CADM1: variants seen among roughly 807,000 people sequenced by gnomAD.
CADM1 encodes the protein cell adhesion molecule 1.
In CADM1, 15 loss-of-function variants were observed where a neutral mutation model predicts 53.1. The ratio of observed to expected loss-of-function variants is 0.28; its 90% CI spans 0.19 to 0.44. The LOEUF (loss-of-function observed/expected upper bound fraction) is 0.44, where lower values mean the gene tolerates loss of function less well. CADM1 is among the 20% of genes least tolerant of loss of function. The probability of loss-of-function intolerance (pLI) is 1.00; values close to 1 mark genes in which losing one functional copy is unlikely to be tolerated. For missense variants in CADM1, 434 were observed against 611.3 expected, an observed-to-expected ratio of 0.71 and a Z score of 3.06; for synonymous variants, 281 against 243.0, an observed-to-expected ratio of 1.16 and a Z score of -1.45.
intron 1 of CADM1, among the ~76,000 whole-genome samples, chr11:115,303,052 T>C (rs1166845638): frequency 6.6e-6 from 1 of 152,110 alleles, no homozygotes; most frequent in Non-Finnish European, 1.5e-5. Context: ...CTGCTGGGTG[T>C]GTGGGCTGGA....
At chr11:115,304,766 T>A (rs1383413034) in intron 1 of CADM1, among the ~76,000 whole-genome samples, 2 of 151,996 alleles carry the variant, frequency 1.3e-5, no homozygotes, top group African/African-American at 2.4e-5. Context: ...AATGTTAAAT[T>A]CACAACTCAA....
chr11:115,371,222 C>T (rs897277150), intron 1 of CADM1, among the ~76,000 whole-genome samples: 2 of 151,764 alleles, frequency 1.3e-5, no homozygotes, highest in African/African-American at 4.8e-5. Context: ...ATTGAATAAA[C>T]AATAATAATG....
chr11:115,402,188 G>C (rs755131063), intron 1 of CADM1, among the ~76,000 whole-genome samples: 1 of 152,084 alleles, frequency 6.6e-6, no homozygotes, highest in Non-Finnish European at 1.5e-5. Context: ...AACAATGTTC[G>C]CAACCTATCA....
At chr11:115,191,975 T>C (rs949257431) in intron 9 of CADM1, among the ~76,000 whole-genome samples, 2 of 152,200 alleles carry the variant, frequency 1.3e-5, no homozygotes, top group East Asian at 1.9e-4. Context: ...TTTGCATCTT[T>C]CCCTTCTGCT....
intron 1 of CADM1, among the ~76,000 whole-genome samples, chr11:115,334,457 CAGTACTCATCAATT>C (rs1565371343): frequency 6.9e-6 from 1 of 145,670 alleles, no homozygotes; most frequent in East Asian, 1.9e-4. Context: ...TTGATGAGTA[CAGTACTCATCAATT>C]GATGAGTACC....
chr11:115,244,453 T>C (rs11215445), intron 1 of CADM1, among the ~76,000 whole-genome samples: 44,891 of 152,056 alleles, frequency 0.3, 7,474 homozygotes, highest in East Asian at 0.6. Flanking sequence ...AAATGAGACA[T>C]GAGGAAGGGA....
At chr11:115,449,788 T>C (rs1258912738) in intron 1 of CADM1, among the ~76,000 whole-genome samples, 1 of 152,208 alleles carries the variant, frequency 6.6e-6, no homozygotes, top group Non-Finnish European at 1.5e-5. Flanking sequence ...CTAAACTTTA[T>C]AGTTCCAAAC....
At chr11:115,400,655 GTGTGTGTATA>G (rs1327091451) in intron 1 of CADM1, among the ~76,000 whole-genome samples, 2 of 62,460 alleles carry the variant, frequency 3.2e-5, no homozygotes, top group Non-Finnish European at 6.0e-5. Flanking sequence ...GTGTGTGTGT[GTGTGTGTATA>G]TATATATATA....
chr11:115,431,676 T>G (rs996399236), intron 1 of CADM1, among the ~76,000 whole-genome samples: 2 of 152,132 alleles, frequency 1.3e-5, no homozygotes, highest in African/African-American at 4.8e-5. Context: ...TTTCTTTCAA[T>G]TCCTTTAAGG....
intron 1 of CADM1, among the ~76,000 whole-genome samples, chr11:115,475,332 C>G (rs1222275212): frequency 6.6e-6 from 1 of 151,828 alleles, no homozygotes; most frequent in African/African-American, 2.4e-5. Context: ...TATTTTCTAT[C>G]TGAAGCTGGT....
At chr11:115,228,200 G>C (rs972250402) in intron 5 of CADM1, among the ~76,000 whole-genome samples, 1 of 152,306 alleles carries the variant, frequency 6.6e-6, no homozygotes, top group Admixed American at 6.5e-5. Context: ...GTGGTGGGAG[G>C]GGGTGTGGTC....
At chr11:115,221,828 A>G (rs2134800156) in intron 5 of CADM1, among the ~76,000 whole-genome samples, 1 of 152,218 alleles carries the variant, frequency 6.6e-6, no homozygotes, top group African/African-American at 2.4e-5. Context: ...TCAGTGGAAA[A>G]GGCATCCTCA....
intron 1 of CADM1, among the ~76,000 whole-genome samples, chr11:115,360,118 C>T (rs528423711): frequency 3.9e-5 from 6 of 152,126 alleles, no homozygotes; most frequent in East Asian, 1.9e-4. Flanking sequence ...AAATAATATA[C>T]CTGCTACTTT....
chr11:115,410,130 A>T (rs943914440), intron 1 of CADM1, among the ~76,000 whole-genome samples: 1 of 152,246 alleles, frequency 6.6e-6, no homozygotes, highest in Admixed American at 6.5e-5. Flanking sequence ...CACTGAATAC[A>T]ACATGCTGCA....
intron 1 of CADM1, among the ~76,000 whole-genome samples, chr11:115,269,671 C>T (rs962251640): frequency 8.5e-5 from 13 of 152,076 alleles, no homozygotes; most frequent in African/African-American, 3.1e-4. Context: ...ACCACAGAAG[C>T]CAGGAAATTC....
At chr11:115,472,398 C>T (rs558308556) in intron 1 of CADM1, among the ~76,000 whole-genome samples, 3 of 152,212 alleles carry the variant, frequency 2.0e-5, no homozygotes, top group Admixed American at 6.5e-5. Flanking sequence ...GAACAGAGTA[C>T]CCAGGCTGAA....
chr11:115,396,618 T>C (rs1228130946), intron 1 of CADM1: 3 of 152,210 alleles, frequency 2.0e-5, no homozygotes. Context: ...TATTTCATCC[T>C]AAATTTTCCA....
At chr11:115,467,667 A>G (rs1948924305) in intron 1 of CADM1, among the ~76,000 whole-genome samples, 1 of 152,204 alleles carries the variant, frequency 6.6e-6, no homozygotes. Flanking sequence ...CGTAACAGGG[A>G]CCACTTAGGC....
chr11:115,188,089 C>G (rs957724093), intron 10 of CADM1, among the ~76,000 whole-genome samples: 2 of 152,190 alleles, frequency 1.3e-5, no homozygotes, highest in Non-Finnish European at 2.9e-5. Context: ...CCTCACTCCA[C>G]TAAACAGTTC....
Sources: allele counts gnomAD v4.1 joint callset (sites outside exome capture counted in the v4.1 genomes callset), GRCh38; gene constraint gnomAD v4.1.1; transcripts MANE v1.5; gene names NCBI Gene and HGNC (gene_info 2026-07-23, HGNC 2026-07-21).